NEDD4L: variants seen among roughly 807,000 people sequenced by gnomAD.
NEDD4L encodes E3 ubiquitin-protein ligase NEDD4-like.
NEDD4L carries 54 observed loss-of-function variants against 148.9 expected under a neutral mutation model. That is an observed-to-expected ratio of 0.36 (90% CI 0.29 to 0.45). The LOEUF (loss-of-function observed/expected upper bound fraction) is 0.45, where lower values mean the gene tolerates loss of function less well. Among genes scored for constraint, NEDD4L ranks in the 20% least tolerant of loss-of-function variants. The probability of loss-of-function intolerance (pLI) is 1.00; values close to 1 mark genes in which losing one functional copy is unlikely to be tolerated. For missense variants in NEDD4L, 856 were observed against 1,233.8 expected (o/e 0.69, Z 4.59); for synonymous variants, 433 against 440.7 (o/e 0.98, Z 0.22).
intron 5 of NEDD4L, among the ~76,000 whole-genome samples, chr18:58,257,699 C>T (rs2048794954): frequency 6.6e-6 from 1 of 152,176 alleles, no homozygotes; most frequent in Non-Finnish European, 1.5e-5. Flanking sequence ...CAGCTGCACG[C>T]TCCATCGACC....
intron 1 of NEDD4L, among the ~76,000 whole-genome samples, chr18:58,108,520 A>G (rs2085218819): frequency 6.6e-6 from 1 of 152,186 alleles, no homozygotes; most frequent in Non-Finnish European, 1.5e-5. Flanking sequence ...TCCTGGGTTC[A>G]AGTGATTCTC....
At chr18:58,298,375 A>G (rs1401496280) in intron 5 of NEDD4L, among the ~76,000 whole-genome samples, 1 of 152,184 alleles carries the variant, frequency 6.6e-6, no homozygotes, top group Non-Finnish European at 1.5e-5. Flanking sequence ...ATCTTAGTAA[A>G]ATATGCAGCA....
rs574621432 is a variant in NEDD4L, at chr18:58,393,354, T to C, written c.2825+1795T>C. Among the ~76,000 whole-genome samples, 24 of 152,316 alleles carry C rather than the reference T, an allele frequency of 1.6e-4. No homozygotes were observed. In the South Asian group the frequency reaches 5.0e-3, roughly 32 times the overall value. Reference sequence around the variant, plus strand: ...GAATTTGGACTTCATTGGTCTGGTGTGTGACCCAGGCAGTGGGATTTTCAA... The same window carrying C: ...GAATTTGGACTTCATTGGTCTGGTGCGTGACCCAGGCAGTGGGATTTTCAA... On this transcript the variant is annotated intron_variant, in intron 30 of 30. Transcript: ENST00000400345.
intron 13 of NEDD4L, among the ~76,000 whole-genome samples, chr18:58,337,024 TG>T (rs1484912420): frequency 2.0e-5 from 3 of 151,952 alleles, no homozygotes; most frequent in Non-Finnish European, 4.4e-5. Flanking sequence ...TGGAGTGTTG[TG>T]GTAGCTGATG....
At chr18:58,268,211 T>C (rs956267902) in intron 5 of NEDD4L, among the ~76,000 whole-genome samples, 2 of 151,894 alleles carry the variant, frequency 1.3e-5, no homozygotes, top group African/African-American at 4.8e-5. Context: ...TCAATCAGGT[T>C]ATGGTGGCAA....
intron 2 of NEDD4L, among the ~76,000 whole-genome samples, chr18:58,189,185 G>A (rs1418328375): frequency 2.0e-5 from 3 of 152,068 alleles, no homozygotes; most frequent in Non-Finnish European, 4.4e-5. Context: ...TCAGGTTGTC[G>A]CTGCCTTTCT....
intron 1 of NEDD4L, among the ~76,000 whole-genome samples, chr18:58,094,638 C>G (rs574824218): frequency 6.6e-6 from 1 of 152,146 alleles, no homozygotes; most frequent in Non-Finnish European, 1.5e-5. Flanking sequence ...TGTGTTTATT[C>G]GTAATCACAC....
intron 1 of NEDD4L, chr18:58,149,364 T>A (rs879531913): frequency 5.6e-6 from 8 of 1,424,818 alleles, no homozygotes; most frequent in Non-Finnish European, 7.4e-6. Flanking sequence ...CCGTGTAGAC[T>A]GCTTTCCTGG....
At chr18:58,195,327 TTG>T in intron 2 of NEDD4L, 1 of 933,716 alleles carries the variant, frequency 1.1e-6, no homozygotes, top group Non-Finnish European at 1.4e-6. Flanking sequence ...AATTGCTTTT[TTG>T]TGTCTCTTGA....
intron 5 of NEDD4L, among the ~76,000 whole-genome samples, chr18:58,291,146 C>T (rs963412163): frequency 6.7e-6 from 1 of 148,838 alleles, no homozygotes; most frequent in African/African-American, 2.5e-5. Context: ...AGAACCAGGC[C>T]GACCAGCCCA....
intron 3 of NEDD4L, among the ~76,000 whole-genome samples, chr18:58,245,747 C>G (rs1052203887): frequency 4.7e-5 from 6 of 128,612 alleles, no homozygotes; most frequent in Non-Finnish European, 6.2e-5. Flanking sequence ...ATGGCATGTT[C>G]TCAGCTCACT....
chr18:58,393,305 C>A (rs1215013167), intron 30 of NEDD4L, among the ~76,000 whole-genome samples: 1 of 152,120 alleles, frequency 6.6e-6, no homozygotes, highest in Non-Finnish European at 1.5e-5. Context: ...ATCTAGAGAG[C>A]CTTAAAGAAA....
intron 1 of NEDD4L, among the ~76,000 whole-genome samples, chr18:58,122,573 G>T (rs2030148542): frequency 6.6e-6 from 1 of 152,116 alleles, no homozygotes; most frequent in South Asian, 2.1e-4. Context: ...CCTCCAACTT[G>T]CCCTTTTTAA....
chr18:58,284,448 G>T (rs953153775), intron 5 of NEDD4L, among the ~76,000 whole-genome samples: 7 of 152,176 alleles, frequency 4.6e-5, no homozygotes, highest in African/African-American at 1.7e-4. Flanking sequence ...CTAGCAAAAT[G>T]AATAATCTGT....
chr18:58,113,397 T>C (rs2085537285), intron 1 of NEDD4L, among the ~76,000 whole-genome samples: 1 of 152,206 alleles, frequency 6.6e-6, no homozygotes, highest in Admixed American at 6.5e-5. Context: ...AGGAAAGGGA[T>C]TTCCAAGAGA....
At position 58,374,961 on chromosome 18, in the gene NEDD4L, G is replaced by A. The variant is rs116807139; in HGVS notation, c.2352+1692G>A. Reference sequence around the variant, plus strand: ...GCCTTCCAGCCTCCAGAATTCCCAGGTCTAACGGCCTCCTCAACTGCTTCT... The same window carrying A: ...GCCTTCCAGCCTCCAGAATTCCCAGATCTAACGGCCTCCTCAACTGCTTCT... On this transcript the variant is annotated intron_variant, in intron 24 of 30. Coordinates refer to ENST00000400345, the MANE Select transcript of NEDD4L (RefSeq NM_001144967.3). 3.9e-3 allele frequency among the ~76,000 whole-genome samples: 599 copies of A among 152,180 alleles called. 6 individuals carry two copies. Among genetic ancestry groups the A allele is most frequent in the African/African-American group, 0.014 (577 of 41,528 alleles).
chr18:58,285,952 C>A (rs929715131), intron 5 of NEDD4L, among the ~76,000 whole-genome samples: 5 of 152,172 alleles, frequency 3.3e-5, no homozygotes, highest in Admixed American at 6.5e-5. Context: ...AGTTTGCTCA[C>A]CTATGAAAAG....
chr18:58,137,300 A>G (rs535376107), intron 1 of NEDD4L, among the ~76,000 whole-genome samples: 2 of 152,342 alleles, frequency 1.3e-5, no homozygotes, highest in African/African-American at 4.8e-5. Context: ...TAAAAAGACA[A>G]TAGAAATGAG....
chr18:58,130,574 C>T (rs1438647408), intron 1 of NEDD4L, among the ~76,000 whole-genome samples: 3 of 118,480 alleles, frequency 2.5e-5, no homozygotes, highest in South Asian at 3.0e-4. Flanking sequence ...GGAACTGTGG[C>T]GGTGTTGGGC....
Sources: allele counts gnomAD v4.1 joint callset (sites outside exome capture counted in the v4.1 genomes callset), GRCh38; gene constraint gnomAD v4.1.1; transcripts MANE v1.5; gene names NCBI Gene and HGNC (gene_info 2026-07-23, HGNC 2026-07-21).